Variants in LSP1 observed in about 807,000 individuals in gnomAD.
LSP1 encodes lymphocyte specific protein 1.
LSP1 carries 32 observed loss-of-function variants against 49.3 expected under a neutral mutation model. The ratio of observed to expected loss-of-function variants is 0.65; its 90% confidence interval spans 0.49 to 0.87. The LOEUF is 0.87. LSP1 is among the 40% of genes least tolerant of loss of function. The pLI is 0.00. For missense variants in LSP1, 428 were observed against 442.6 expected (o/e 0.97, Z 0.30); for synonymous variants, 179 against 178.8 (o/e 1.00, Z -0.01).
chr11:1,872,149 C>A (rs1384475286), intron 1 of LSP1, among the ~76,000 whole-genome samples: 1 of 124,474 alleles, frequency 8.0e-6, no homozygotes, highest in Non-Finnish European at 1.7e-5. Flanking sequence ...GCTGCAGTCA[C>A]CCTGGTGCAT....
intron 1 of LSP1, chr11:1,870,614 G>C (rs1356653009): frequency 1.8e-6 from 2 of 1,107,732 alleles, no homozygotes; most frequent in Non-Finnish European, 1.1e-6. Flanking sequence ...TTGAATGCCA[G>C]GCTGGCTTGG....
chr11:1,868,663 C>A (rs555967076), intron 1 of LSP1: 1 of 985,672 alleles, frequency 1.0e-6, no homozygotes, highest in African/African-American at 1.7e-5. Flanking sequence ...GGGTAGCCCC[C>A]GCCCTGGCAG....
chr11:1,885,900 C>A (rs1848730654), intron 7 of LSP1, among the ~76,000 whole-genome samples: 1 of 152,052 alleles, frequency 6.6e-6, no homozygotes, highest in Admixed American at 6.6e-5. Context: ...TTCAACCAAC[C>A]AATACTCCTC....
intron 4 of LSP1, 122 bp from the exon 5 acceptor site, chr11:1,883,810 A>T: frequency 6.0e-6 from 6 of 996,224 alleles, no homozygotes; most frequent in Non-Finnish European, 8.9e-6. Flanking sequence ...GAACTGGAGC[A>T]CGTCAGGGCC....
Position 1,887,529 on chromosome 11 carries a change from A to G in LSP1, c.986A>G (p.Glu329Gly), listed in dbSNP as rs1848807650. 1 of 1,613,604 alleles carries G rather than the reference A, an allele frequency of 6.2e-7. No homozygotes were observed. The highest frequency in any genetic ancestry group is 2.2e-5 in the East Asian group (1 of 44,826). ...GTGGCCACCGGGCATGGGAAGTATG[A>G]GAAGGTGCTTGTGGAAGGGGGCCCG... is the stretch of plus-strand genomic sequence containing the variant. ...KFVATGHGKY[E>G]KVLVEGGPAP is the part of the protein sequence containing the mutation. The change falls in exon 10 of 11, where the codon GAG (glutamate) becomes GGG (glycine). Residue 329 changes from glutamate (E) to glycine (G), a missense_variant. Glu to Gly is a moderately conservative substitution (Grantham distance 98, BLOSUM62 -2). Coordinates refer to ENST00000311604, the MANE Select transcript of LSP1 (RefSeq NM_002339.3).
At chr11:1,871,267 G>T in intron 1 of LSP1, 1 of 986,928 alleles carries the variant, frequency 1.0e-6, no homozygotes. Flanking sequence ...CCGGGATGCA[G>T]CAGGCAGGGC....
At chr11:1,877,841 G>A (rs1317464923) in intron 1 of LSP1, among the ~76,000 whole-genome samples, 1 of 152,082 alleles carries the variant, frequency 6.6e-6, no homozygotes, top group Non-Finnish European at 1.5e-5. Context: ...TCCTGCGCCC[G>A]GCCGCACTCC....
chr11:1,876,647 TG>T, intron 1 of LSP1: 1 of 982,478 alleles, frequency 1.0e-6, no homozygotes, highest in Non-Finnish European at 1.2e-6. Context: ...AGGACGGAGG[TG>T]GGTAGCTGGG....
intron 10 of LSP1, chr11:1,890,317 C>T (rs771671700): frequency 5.8e-5 from 41 of 710,678 alleles, no homozygotes; most frequent in Middle Eastern, 2.3e-4. Context: ...GGGGCTTCGG[C>T]GGGGTGCGGG....
intron 1 of LSP1, chr11:1,868,669 G>T: frequency 1.0e-6 from 1 of 985,788 alleles, no homozygotes; most frequent in East Asian, 1.1e-4. Flanking sequence ...CCCCCGCCCT[G>T]GCAGGGCTGG....
rs1263005551 is a variant in LSP1, at chr11:1,886,841, C to G, written c.827C>G (p.Ser276Cys). 1 of 1,611,632 alleles carries G rather than the reference C, an allele frequency of 6.2e-7. No homozygotes were observed. Among genetic ancestry groups the G allele is most frequent in the Non-Finnish European group, 8.5e-7 (1 of 1,179,722 alleles). Residue 276 changes from serine to cysteine, a missense_variant, in exon 8 of 11, where the codon TCT (serine) becomes TGT (cysteine). Ser to Cys is a moderately radical substitution (Grantham distance 112). Coordinates refer to ENST00000311604, the MANE Select transcript of LSP1 (RefSeq NM_002339.3). ...RWETGEVQAQ[S>C]AAKTPSCKDI... ...GAGACGGGTGAGGTACAGGCTCAGT[C>G]TGCGGCCAAGACTCCGTCCTGCAAG... is the stretch of plus-strand genomic sequence containing the variant.
At chr11:1,864,307 G>A (rs542993471) in intron 1 of LSP1, 12 of 950,742 alleles carry the variant, frequency 1.3e-5, no homozygotes, top group South Asian at 9.5e-5. Flanking sequence ...AGGAGGGCCC[G>A]GGCAGGGCCT....
chr11:1,880,154 G>C lies in LSP1; in HGVS notation c.121G>C (p.Asp41His), dbSNP rs1589825542. The C allele has an allele frequency of 1.2e-6, 2 of 1,607,554 alleles. No individual in the cohort carries two copies. Among genetic ancestry groups the C allele is most frequent in the Non-Finnish European group, 1.7e-6 (2 of 1,176,374 alleles). ...AVHEQCQHER[D>H]RQLQAQDEEG... ...CCACGAGCAATGCCAGCATGAGAGA[G>C]ACAGGCAGCTTCAGGCCCAGGACGA... The change falls in exon 2 of 11, where the codon GAC (aspartate) becomes CAC (histidine). Residue 41 changes from aspartate to histidine, a missense_variant. Coordinates refer to ENST00000311604, the MANE Select transcript of LSP1 (RefSeq NM_002339.3).
chr11:1,883,651 G>A, intron 4 of LSP1, 91 bp downstream of exon 4: 1 of 1,481,598 alleles, frequency 6.7e-7, no homozygotes, highest in Admixed American at 2.1e-5. Flanking sequence ...GGCCCTGTGG[G>A]TCTAGCCCAG....
At chr11:1,889,675 C>T (rs559654719) in intron 10 of LSP1, 12 of 633,086 alleles carry the variant, frequency 1.9e-5, no homozygotes, top group South Asian at 9.3e-5. Context: ...TCGGCCTCAG[C>T]GGCGGGGCCA....
intron 1 of LSP1, among the ~76,000 whole-genome samples, chr11:1,878,306 C>T (rs1295018623): frequency 6.6e-6 from 1 of 152,240 alleles, no homozygotes; most frequent in Non-Finnish European, 1.5e-5. Context: ...GCTCTGCCTC[C>T]TCAGGTGGAA....
At chr11:1,891,037 C>G (rs986170615) in intron 10 of LSP1, 1 of 161,496 alleles carries the variant, frequency 6.2e-6, no homozygotes, top group East Asian at 1.8e-4. Context: ...CCCCCAGACA[C>G]GTGAGGGGCG....
chr11:1,869,624 G>T (rs1415906051), intron 1 of LSP1: 2 of 470,610 alleles, frequency 4.2e-6, no homozygotes, highest in African/African-American at 4.0e-5. Context: ...GGGGCAGAAG[G>T]CTCAGAGCCG....
At chr11:1,871,214 A>C (rs956792429) in intron 1 of LSP1, 5 of 986,038 alleles carry the variant, frequency 5.1e-6, no homozygotes, top group Non-Finnish European at 6.0e-6. Context: ...AGGAGGGGGG[A>C]AGAAAGAGCA....
Sources: gnomAD v4.1 joint callset for allele counts (sites outside exome capture counted in the v4.1 genomes callset) on GRCh38, gnomAD v4.1.1 for gene constraint, MANE v1.5 for transcripts, NCBI Gene and HGNC (gene_info 2026-07-23, HGNC 2026-07-21) for gene names.